SHISA5: variants seen among roughly 807,000 people sequenced by gnomAD.
The protein encoded by SHISA5 is shisa family member 5.
A neutral mutation model predicts 27.5 loss-of-function variants in SHISA5; 21 were observed. The ratio of observed to expected loss-of-function variants is 0.76; its 90% CI spans 0.54 to 1.10. SHISA5 has a LOEUF of 1.10. Among genes scored for constraint, SHISA5 ranks in the 50% least tolerant of loss-of-function variants. SHISA5 has a pLI of 0.00. For missense variants in SHISA5, 314 were observed against 336.3 expected, an observed-to-expected ratio of 0.93 and a Z score of 0.52; for synonymous variants, 137 against 142.2, an observed-to-expected ratio of 0.96 and a Z score of 0.26.
intron 2 of SHISA5, among the ~76,000 whole-genome samples, chr3:48,491,555 C>T (rs1188851691): frequency 6.6e-6 from 1 of 152,164 alleles, no homozygotes; most frequent in East Asian, 1.9e-4. Flanking sequence ...GATGGTCACT[C>T]ATATTCGGCT....
chr3:48,488,773 C>T (rs1431446511), intron 2 of SHISA5, among the ~76,000 whole-genome samples: 1 of 141,558 alleles, frequency 7.1e-6, no homozygotes, highest in Non-Finnish European at 1.5e-5. Flanking sequence ...GTGGAGGTTG[C>T]GGTGAGCTGA....
intron 1 of SHISA5, chr3:48,503,309 C>T (rs993380336): frequency 1.1e-5 from 6 of 555,740 alleles, no homozygotes; most frequent in Non-Finnish European, 1.6e-5. Flanking sequence ...CAGGAGTGGG[C>T]GGATTCTGGG....
Position 48,501,201 on chromosome 3 carries a change from A to G in SHISA5, c.169T>C (p.Cys57Arg). The change falls in exon 2 of 6, where the codon TGC becomes CGC. Residue 57 changes from cysteine to arginine, a missense_variant. By Grantham distance (180) the Cys-to-Arg change is radical. Coordinates refer to ENST00000296444, the MANE Select transcript of SHISA5 (RefSeq NM_016479.6). ...AATTTCTTCAGCACGTCAGAGCAGC[A>G]GTATTGGTCATCACAGGTACCACAG... ...FCCGTCDDQY[C>R]CSDVLKKFVW... 1 of 1,614,144 alleles carries G rather than the reference A, an allele frequency of 6.2e-7. No homozygotes were observed.
Position 48,473,160 on chromosome 3 carries a change from G to T in SHISA5, c.315-3317C>A. On this transcript the variant is annotated intron_variant, in intron 3 of 5. Transcript: ENST00000296444. This position sits in a 1 kb window ranked among gnomAD's most constrained non-coding sequence, Gnocchi z 4.3. ...GATGACGTCAGCCACAGGAAGCACA[G>T]ACGCGAAGCCCCGTTCCACCCTCTT... 6.9e-7 allele frequency: 1 copy of T among 1,447,614 alleles called. No homozygotes were observed. The highest frequency in any genetic ancestry group is 1.4e-5 in the South Asian group (1 of 70,160). 89.7% of individuals were successfully genotyped at this position (1,447,614 alleles called of 1,614,324 possible).
At chr3:48,504,241 G>A (rs1433106097), upstream of SHISA5, 1 of 370,666 alleles carries the variant, frequency 2.7e-6, no homozygotes, top group Non-Finnish European at 4.8e-6. The surrounding 1 kb of genome is among the most constrained non-coding windows in gnomAD (Gnocchi z 4.0). Flanking sequence ...GGAGCAGGAG[G>A]AGGAGGAGGG....
chr3:48,483,784 C>T (rs2041109263), intron 2 of SHISA5, among the ~76,000 whole-genome samples: 1 of 150,412 alleles, frequency 6.6e-6, no homozygotes, highest in Non-Finnish European at 1.5e-5. Flanking sequence ...CACCACCTCC[C>T]TCCCGGACGG....
At chr3:48,504,252 A>AGGAGGAGGGAGGAG (rs910523353), upstream of SHISA5, 25 of 355,246 alleles carry the variant, frequency 7.0e-5, no homozygotes, top group African/African-American at 4.5e-4. This position sits in a 1 kb window ranked among gnomAD's most constrained non-coding sequence, Gnocchi z 4.0. Context: ...AGGAGGAGGG[A>AGGAGGAGGGAGGAG]GGAGGAGGGA....
At chr3:48,474,021 A>G (rs1453750829) in intron 3 of SHISA5, among the ~76,000 whole-genome samples, 1 of 150,674 alleles carries the variant, frequency 6.6e-6, no homozygotes, top group African/African-American at 2.4e-5. Flanking sequence ...AAAAAAAAAG[A>G]AGAGGAAGAA....
intron 3 of SHISA5, chr3:48,476,806 AT>A: frequency 4.3e-6 from 1 of 235,248 alleles, no homozygotes. Context: ...GAGGGGGAGC[AT>A]CACTCCAGTC....
At chr3:48,497,344 A>T (rs1245944206) in intron 2 of SHISA5, among the ~76,000 whole-genome samples, 11 of 126,018 alleles carry the variant, frequency 8.7e-5, no homozygotes, top group Non-Finnish European at 1.1e-4. Flanking sequence ...GCTCACTGCA[A>T]CCTCCGCCTC....
At chr3:48,497,605 G>A (rs1418219853) in intron 2 of SHISA5, among the ~76,000 whole-genome samples, 1 of 151,902 alleles carries the variant, frequency 6.6e-6, no homozygotes, top group Non-Finnish European at 1.5e-5. Context: ...TAAAAAAAAA[G>A]AGGGATTTCA....
At chr3:48,472,518 T>G (rs2040671309) in intron 3 of SHISA5, among the ~76,000 whole-genome samples, 1 of 151,970 alleles carries the variant, frequency 6.6e-6, no homozygotes, top group Non-Finnish European at 1.5e-5. Flanking sequence ...AAATAATAAG[T>G]TTTTTTTAAA....
intron 2 of SHISA5, among the ~76,000 whole-genome samples, chr3:48,498,719 G>T (rs927293971): frequency 1.7e-4 from 26 of 149,372 alleles, no homozygotes; most frequent in African/African-American, 5.4e-4. Flanking sequence ...AGACAGAATG[G>T]AAAAGAAGAA....
chr3:48,479,293 GC>G (rs759159291), intron 2 of SHISA5, 36 bp from the exon 3 acceptor site: 7 of 1,568,804 alleles, frequency 4.5e-6, no homozygotes, highest in Non-Finnish European at 6.0e-6. Context: ...GCACAATGAA[GC>G]CCCACCGAGC....
At chr3:48,472,822 G>C (rs1436416591) in intron 3 of SHISA5, among the ~76,000 whole-genome samples, 2 of 152,150 alleles carry the variant, frequency 1.3e-5, no homozygotes, top group Non-Finnish European at 2.9e-5. Flanking sequence ...AGGCCGTCCA[G>C]GACAAGGCCC....
intron 3 of SHISA5, among the ~76,000 whole-genome samples, chr3:48,471,024 TTTC>T (rs2040592232): frequency 6.6e-6 from 1 of 152,146 alleles, no homozygotes; most frequent in Non-Finnish European, 1.5e-5. Flanking sequence ...CTTCATTCTT[TTTC>T]TTTTTTAATT....
At chr3:48,476,392 G>T in intron 3 of SHISA5, among the ~76,000 whole-genome samples, 1 of 152,196 alleles carries the variant, frequency 6.6e-6, no homozygotes, top group East Asian at 1.9e-4. Context: ...CAGAGGCAAG[G>T]GTCCCAAAAT....
In SHISA5 at chr3:48,469,903, C is replaced by G; in HGVS notation, c.315-60G>C. ...GCCCCTCCCCAGACCAGCATCCACACCTTCCCAAGGCATGCCCCTCTTGCC... is the reference window on the plus strand; with the variant it reads ...GCCCCTCCCCAGACCAGCATCCACAGCTTCCCAAGGCATGCCCCTCTTGCC... On this transcript the variant is annotated intron_variant, in intron 3 of 5. Coordinates refer to ENST00000296444, the MANE Select transcript of SHISA5 (RefSeq NM_016479.6). This position sits in a 1 kb window ranked among gnomAD's most constrained non-coding sequence, Gnocchi z 4.6. The G allele has an allele frequency of 6.4e-7, 1 of 1,570,882 alleles. No individual in the cohort carries two copies. The highest frequency in any genetic ancestry group is 8.6e-7 in the Non-Finnish European group (1 of 1,156,992).
chr3:48,498,593 A>C (rs2041640132), intron 2 of SHISA5, among the ~76,000 whole-genome samples: 1 of 150,180 alleles, frequency 6.7e-6, no homozygotes, highest in East Asian at 2.1e-4. Context: ...AAGCTGAGGC[A>C]GGATAATTGC....
Sources: allele counts gnomAD v4.1 joint callset (sites outside exome capture counted in the v4.1 genomes callset), GRCh38; gene constraint gnomAD v4.1.1; non-coding constraint Gnocchi (gnomAD v3.1); transcripts MANE v1.5; gene names NCBI Gene and HGNC (gene_info 2026-07-23, HGNC 2026-07-21).